PITPNM3: variants seen among roughly 807,000 people sequenced by gnomAD.
PITPNM3 encodes membrane-associated phosphatidylinositol transfer protein 3.
PITPNM3 carries 26 observed loss-of-function variants against 102.0 expected under a neutral mutation model. The observed-to-expected ratio is 0.25, with a 90% CI of 0.19 to 0.35. The LOEUF (loss-of-function observed/expected upper bound fraction) is 0.35, where lower values mean the gene tolerates loss of function less well. PITPNM3 is among the 10% of genes least tolerant of loss of function. PITPNM3 has a pLI of 1.00. For synonymous variants in PITPNM3, 578 were observed against 558.6 expected (o/e 1.03, Z -0.49); for missense variants, 1,083 against 1,346.1 (o/e 0.80, Z 3.06).
chr17:6,471,116 C>T (rs778058906), intron 12 of PITPNM3, 45 bp downstream of exon 12: 30 of 1,602,640 alleles, frequency 1.9e-5, no homozygotes, highest in Non-Finnish European at 2.6e-5. Flanking sequence ...GAGGAAGGTT[C>T]CCCTCCCCCG....
intron 3 of PITPNM3, among the ~76,000 whole-genome samples, chr17:6,514,821 T>G (rs1908063344): frequency 2.0e-5 from 3 of 152,242 alleles, no homozygotes; most frequent in Admixed American, 6.5e-5. Context: ...GCAGCATTAT[T>G]CATAATAGCC....
In PITPNM3 at chr17:6,474,560, G is replaced by C. The variant is rs758781470; in HGVS notation, c.1130C>G (p.Ala377Gly). The change falls in exon 10 of 20, where the codon GCT becomes GGT. Residue 377 changes from alanine (A) to glycine (G), a missense_variant. This residue lies in a region of PITPNM3 where 172 missense variants were observed against 175.6 expected (regional missense o/e 0.98). Coordinates refer to ENST00000262483, the MANE Select transcript of PITPNM3 (RefSeq NM_031220.4). ...GACCTCAGGGAGCTGCGGCCCCCCAGCCGCCGGGGTCTCAGACTCATCCTT... is the reference window on the plus strand; with the variant it reads ...GACCTCAGGGAGCTGCGGCCCCCCACCCGCCGGGGTCTCAGACTCATCCTT... Reference protein sequence around the residue: ...VLKDESETPAAGGPQLPEVSL... With the variant: ...VLKDESETPAGGGPQLPEVSL... The C allele has an allele frequency of 1.8e-5, 28 of 1,595,730 alleles. No homozygotes were observed. In the South Asian group the frequency reaches 3.0e-4, roughly 17 times the overall value.
intron 3 of PITPNM3, among the ~76,000 whole-genome samples, chr17:6,516,731 G>A (rs997348408): frequency 2.6e-5 from 4 of 151,484 alleles, no homozygotes; most frequent in Admixed American, 2.6e-4. Flanking sequence ...AAGGACTAAA[G>A]ATGTAAAAAA....
intron 2 of PITPNM3, among the ~76,000 whole-genome samples, chr17:6,528,469 T>C (rs1249416015): frequency 6.6e-6 from 1 of 152,028 alleles, no homozygotes. Context: ...CGTGCATGTG[T>C]GTGTGCATGC....
intron 2 of PITPNM3, among the ~76,000 whole-genome samples, chr17:6,532,068 T>C (rs1909176138): frequency 6.6e-6 from 1 of 151,340 alleles, no homozygotes; most frequent in Admixed American, 6.6e-5. Flanking sequence ...ACTGTGCCAC[T>C]GCAGTCCAGC....
chr17:6,548,516 G>C (rs892031248), intron 1 of PITPNM3, among the ~76,000 whole-genome samples: 1 of 152,086 alleles, frequency 6.6e-6, no homozygotes, highest in Admixed American at 6.5e-5. Context: ...GGAAGAGAAG[G>C]AACCCACAGG....
intron 1 of PITPNM3, among the ~76,000 whole-genome samples, chr17:6,542,966 T>C (rs1387543743): frequency 6.6e-6 from 1 of 152,230 alleles, no homozygotes; most frequent in Non-Finnish European, 1.5e-5. Context: ...GCTCAAGCGA[T>C]CTGCTCACCT....
intron 2 of PITPNM3, among the ~76,000 whole-genome samples, chr17:6,535,041 C>T (rs1246740089): frequency 6.6e-6 from 1 of 152,114 alleles, no homozygotes; most frequent in African/African-American, 2.4e-5. Flanking sequence ...TTTTGAGGGG[C>T]TCATGGGGGA....
chr17:6,510,969 G>T (rs1359449144), intron 3 of PITPNM3, among the ~76,000 whole-genome samples: 2 of 152,248 alleles, frequency 1.3e-5, no homozygotes, highest in East Asian at 3.9e-4. Flanking sequence ...GGAGACAGTG[G>T]GGGTGGAAGA....
intron 4 of PITPNM3, among the ~76,000 whole-genome samples, chr17:6,495,177 C>T (rs574423578): frequency 3.9e-5 from 6 of 152,110 alleles, no homozygotes; most frequent in Non-Finnish European, 5.9e-5. Flanking sequence ...GAATTGTGTG[C>T]GCTGGAAGAC....
intron 3 of PITPNM3, among the ~76,000 whole-genome samples, chr17:6,511,395 T>C (rs111482237): frequency 1.6e-4 from 25 of 152,352 alleles, no homozygotes; most frequent in Admixed American, 2.0e-4. Context: ...TGTGAATTAA[T>C]CTTTAGTAGC....
intron 16 of PITPNM3, 114 bp from the exon 17 acceptor site, chr17:6,463,995 A>AC (rs1209806030): frequency 6.5e-7 from 1 of 1,547,202 alleles, no homozygotes; most frequent in Non-Finnish European, 8.8e-7. Context: ...GTCAGAGAGC[A>AC]CCTGGGTGGC....
Position 6,457,367 on chromosome 17 carries a change from C to T in PITPNM3, c.2619+227G>A, listed in dbSNP as rs758814045. ...TCACCAACTGCAAATGTGTCCATCTCGCCACTACACTGAAGTTCATTGCAT... is the reference window on the plus strand; with the variant it reads ...TCACCAACTGCAAATGTGTCCATCTTGCCACTACACTGAAGTTCATTGCAT... On this transcript the variant is annotated intron_variant, in intron 19 of 19. Transcript: ENST00000262483. The surrounding 1 kb of genome is among the most constrained non-coding windows in gnomAD (Gnocchi z 4.7). 6.6e-6 allele frequency among the ~76,000 whole-genome samples: 1 copy of T among 152,210 alleles called. No individual in the cohort carries two copies. Among genetic ancestry groups the T allele is most frequent in the East Asian group, 1.9e-4 (1 of 5,194 alleles).
At chr17:6,547,448 CT>C (rs1312961392) in intron 1 of PITPNM3, among the ~76,000 whole-genome samples, 2 of 152,198 alleles carry the variant, frequency 1.3e-5, no homozygotes, top group East Asian at 1.9e-4. Flanking sequence ...GCTGTCCCCC[CT>C]ATGTCCCGCC....
intron 4 of PITPNM3, among the ~76,000 whole-genome samples, chr17:6,496,242 C>G (rs947047782): frequency 6.6e-6 from 1 of 152,128 alleles, no homozygotes; most frequent in Admixed American, 6.5e-5. Flanking sequence ...GACTGCATCA[C>G]GGGCTGGATC....
At chr17:6,554,366 A>G (rs1910490281) in intron 1 of PITPNM3, among the ~76,000 whole-genome samples, 1 of 151,054 alleles carries the variant, frequency 6.6e-6, no homozygotes, top group South Asian at 2.1e-4. Context: ...TACAAAATGC[A>G]GAGGAGCCTG....
In PITPNM3 at chr17:6,478,775, G is replaced by T. The variant is rs140519375; in HGVS notation, c.588-39C>A. ...GCCCAAGGTGAGCCCAGCCAGGATC[G>T]GGCAGGTTGGCAGGTTTGGGGCTGA... is the stretch of plus-strand genomic sequence containing the variant. On this transcript the variant is annotated intron_variant, in intron 6 of 19. Transcript: ENST00000262483. The surrounding 1 kb of genome is among the most constrained non-coding windows in gnomAD (Gnocchi z 4.4). The T allele has an allele frequency of 2.6e-6, 4 of 1,526,678 alleles. No homozygotes were observed. Among genetic ancestry groups the T allele is most frequent in the South Asian group, 1.2e-5 (1 of 82,322 alleles). 94.6% of individuals were successfully genotyped at this position (1,526,678 alleles called of 1,614,324 possible). A position where few individuals can be genotyped will look rare whatever the true frequency, so the allele number is the denominator to read the frequency against.
chr17:6,496,999 C>T (rs762972086), intron 4 of PITPNM3, among the ~76,000 whole-genome samples: 37 of 152,008 alleles, frequency 2.4e-4, no homozygotes, highest in Non-Finnish European at 4.0e-4. Flanking sequence ...CACACACAAA[C>T]GAGAAGGAAC....
chr17:6,478,462 T>G lies in PITPNM3; in HGVS notation c.777+85A>C, dbSNP rs1905451373. 1.3e-6 allele frequency: 2 copies of G among 1,528,988 alleles called. No individual in the cohort carries two copies. Among genetic ancestry groups the G allele is most frequent in the African/African-American group, 2.7e-5 (2 of 73,290 alleles). The allele number at this position is 1,528,988 out of a possible 1,614,324, so 94.7% of individuals were successfully genotyped here. A position where few individuals can be genotyped will look rare whatever the true frequency, so the allele number is the denominator to read the frequency against. On this transcript the variant is annotated intron_variant, in intron 7 of 19. Coordinates refer to ENST00000262483, the MANE Select transcript of PITPNM3 (RefSeq NM_031220.4). This position sits in a 1 kb window ranked among gnomAD's most constrained non-coding sequence, Gnocchi z 4.4. The stretch of plus-strand genomic sequence containing the variant: ...GGCTGATTCGAGAACAGCCTGGCCT[T>G]GGCCCTTTCAGTAGATTCCAGCCTC...
Sources: gnomAD v4.1 joint callset for allele counts (sites outside exome capture counted in the v4.1 genomes callset) on GRCh38, gnomAD v4.1.1 for gene constraint, gnomAD v4.1.1 regional missense constraint, Gnocchi (gnomAD v3.1) non-coding constraint, MANE v1.5 for transcripts, NCBI Gene and HGNC (gene_info 2026-07-23, HGNC 2026-07-21) for gene names.